PCDHGB2: variants seen among roughly 807,000 people sequenced by gnomAD.
The protein encoded by PCDHGB2 is protocadherin gamma subfamily B, 2.
Under a neutral mutation model 59.3 loss-of-function variants are expected in PCDHGB2, and 55 were observed. The ratio of observed to expected loss-of-function variants is 0.93; its 90% CI spans 0.75 to 1.16. The LOEUF is 1.16. Among genes scored for constraint, PCDHGB2 ranks in the 50% most tolerant of loss-of-function variants. The pLI, the probability that PCDHGB2 is intolerant of heterozygous loss-of-function variation, is 0.00. For missense variants in PCDHGB2, 1,228 were observed against 1,198.5 expected (o/e 1.02, Z -0.36); for synonymous variants, 516 against 512.0 (o/e 1.01, Z -0.11).
chr5:141,393,016 C>G, intron 1 of PCDHGB2: 1 of 1,613,872 alleles, frequency 6.2e-7, no homozygotes, highest in East Asian at 2.2e-5. Flanking sequence ...CGTATCGTCT[C>G]CAGAGGTAGG....
At position 141,362,048 on chromosome 5, in the gene PCDHGB2, C is replaced by T. The variant is rs764745412; in HGVS notation, c.1913C>T (p.Ala638Val). 7 of 1,610,984 alleles carry T rather than the reference C, an allele frequency of 4.3e-6. No individual in the cohort carries two copies. The African/African-American group carries it at 9.4e-5, about 22-fold the overall frequency. ...CGTGCCTTGGGCGACAGGGACGCGG[C>T]CCGCCAGCGCCTGCTGGTCGCTGTG... ...TARALGDRDA[A>V]RQRLLVAVRD... The change falls in exon 1 of 4, where the codon GCC becomes GTC. Residue 638 changes from alanine to valine, a missense_variant. Around this residue, in one of 3 missense-constraint regions of PCDHGB2, gnomAD observed 433 missense variants for 441.8 expected, o/e 0.98. Transcript: ENST00000522605.
intron 1 of PCDHGB2, chr5:141,418,660 T>C (rs1377720154): frequency 6.2e-7 from 1 of 1,614,024 alleles, no homozygotes; most frequent in Admixed American, 1.7e-5. Context: ...TGAAGGCCAC[T>C]GACCAGGACG....
In PCDHGB2 at chr5:141,450,826, A is replaced by AT. The variant is rs764729742; in HGVS notation, c.2422-43979dup. On this transcript the variant is annotated intron_variant, in intron 1 of 3. Coordinates refer to ENST00000522605, the MANE Select transcript of PCDHGB2 (RefSeq NM_018923.3). ...TATTTATTTATTTAATATTATTATT[A>AT]TTATTTTTTTTTTTTTGAGATGGGG... Among the ~76,000 whole-genome samples, 613 of 134,334 alleles carry AT rather than the reference A, an allele frequency of 4.6e-3. 5 individuals are homozygous for AT. Among genetic ancestry groups the AT allele is most frequent in the African/African-American group, 9.0e-3 (309 of 34,288 alleles). 88.1% of individuals were successfully genotyped at this position (134,334 alleles called of 152,430 possible).
Position 141,405,226 on chromosome 5 carries a change from C to A in PCDHGB2, c.2421+42670C>A, listed in dbSNP as rs756970325. ...TACAGACCTATTCTCAGGAGTTCTCCCTCACCGCTGACTCAAGGAAGAGTC... is the reference window on the plus strand; with the variant it reads ...TACAGACCTATTCTCAGGAGTTCTCACTCACCGCTGACTCAAGGAAGAGTC... On this transcript the variant is annotated intron_variant, in intron 1 of 3. Coordinates refer to ENST00000522605, the MANE Select transcript of PCDHGB2 (RefSeq NM_018923.3). 3.1e-6 allele frequency: 5 copies of A among 1,614,052 alleles called. No individual in the cohort carries two copies. The East Asian group carries it at 1.1e-4, about 36-fold the overall frequency.
chr5:141,376,025 G>C, intron 1 of PCDHGB2: 1 of 1,613,266 alleles, frequency 6.2e-7, no homozygotes, highest in Non-Finnish European at 8.5e-7. Context: ...GGCCGTCCAG[G>C]ACCACGGCCA....
chr5:141,367,687 T>G (rs1765289006), intron 1 of PCDHGB2: 1 of 152,072 alleles, frequency 6.6e-6, no homozygotes, highest in African/African-American at 2.4e-5. Flanking sequence ...AGAGAAGAAA[T>G]CAGTGTAAAG....
At chr5:141,374,266 G>A (rs763355904) in intron 1 of PCDHGB2, 5 of 1,614,016 alleles carry the variant, frequency 3.1e-6, no homozygotes, top group Middle Eastern at 1.7e-4. Context: ...AGTTGGCGGA[G>A]CACGGAGTCC....
chr5:141,510,398 G>A (rs2099880972), intron 3 of PCDHGB2, among the ~76,000 whole-genome samples: 1 of 152,064 alleles, frequency 6.6e-6, no homozygotes, highest in African/African-American at 2.4e-5. Flanking sequence ...CTTGGCAAAG[G>A]CTAGGGGCAT....
chr5:141,481,288 A>AGTC (rs2099535099), intron 1 of PCDHGB2, among the ~76,000 whole-genome samples: 1 of 152,188 alleles, frequency 6.6e-6, no homozygotes, highest in Admixed American at 6.5e-5. Flanking sequence ...ATGGTATTTC[A>AGTC]GTCATCTAAG....
chr5:141,458,512 T>TG (rs2098947554), intron 1 of PCDHGB2, among the ~76,000 whole-genome samples: 2 of 150,084 alleles, frequency 1.3e-5, no homozygotes, highest in African/African-American at 5.0e-5. Context: ...TTTGACACTT[T>TG]GTTTTTTTTT....
rs1275109387 is a variant in PCDHGB2 at position 141,431,924 on chromosome 5, A to G, written c.2422-62883A>G. The G allele has an allele frequency of 1.1e-5, 17 of 1,614,050 alleles. No homozygotes were observed. Among genetic ancestry groups the G allele is most frequent in the Non-Finnish European group, 1.4e-5 (17 of 1,179,982 alleles). On this transcript the variant is annotated intron_variant, in intron 1 of 3. Coordinates refer to ENST00000522605, the MANE Select transcript of PCDHGB2 (RefSeq NM_018923.3). The surrounding 1 kb of genome is among the most constrained non-coding windows in gnomAD (Gnocchi z 4.8). ...ACAGGTGATCTGTTTCATCCAAGGA[A>G]ATCTGCCCTTTAAATTAGAAAAATC... is the stretch of plus-strand genomic sequence containing the variant.
chr5:141,477,988 C>T lies in PCDHGB2; in HGVS notation c.2422-16819C>T, dbSNP rs771241128. The T allele has an allele frequency of 6.2e-7, 1 of 1,614,160 alleles. No individual in the cohort carries two copies. Among genetic ancestry groups the T allele is most frequent in the Non-Finnish European group, 8.5e-7 (1 of 1,180,032 alleles). On this transcript the variant is annotated intron_variant, in intron 1 of 3. Coordinates refer to ENST00000522605, the MANE Select transcript of PCDHGB2 (RefSeq NM_018923.3). This position sits in a 1 kb window ranked among gnomAD's most constrained non-coding sequence, Gnocchi z 4.9. ...AGAGCCTTTTTGCCATAGGGCTGCA[C>T]ACTGGTCAAATCAGTACTGCCCGTC...
rs553126235 is a variant in PCDHGB2 at position 141,473,346 on chromosome 5, G to A, written c.2422-21461G>A. Reference sequence around the variant, plus strand: ...AAGTGCCTGCTGTGCTAGACAGTGAGGATGCAAGTGGCCACCAAAATAGCA... The same window carrying A: ...AAGTGCCTGCTGTGCTAGACAGTGAAGATGCAAGTGGCCACCAAAATAGCA... On this transcript the variant is annotated intron_variant, in intron 1 of 3. Transcript: ENST00000522605. Among the ~76,000 whole-genome samples, 9 of 152,310 alleles carry A rather than the reference G, an allele frequency of 5.9e-5. No individual in the cohort carries two copies. The East Asian group carries it at 1.5e-3, about 26-fold the overall frequency.
intron 1 of PCDHGB2, chr5:141,422,970 C>T (rs1348343583): frequency 1.2e-6 from 2 of 1,614,246 alleles, no homozygotes; most frequent in East Asian, 2.2e-5. Flanking sequence ...TGGCGCCCCG[C>T]TCTGCGGAAC....
intron 1 of PCDHGB2, chr5:141,366,029 C>T (rs766110369): frequency 4.3e-6 from 7 of 1,614,260 alleles, no homozygotes; most frequent in Non-Finnish European, 5.9e-6. Context: ...GTACCCCGCC[C>T]TCCCCACAGA....
chr5:141,434,073 A>G (rs1372471160), intron 1 of PCDHGB2, among the ~76,000 whole-genome samples: 2 of 152,058 alleles, frequency 1.3e-5, no homozygotes, highest in African/African-American at 4.8e-5. Flanking sequence ...GTTAATATCA[A>G]TTATTTATTT....
chr5:141,403,992 T>G, intron 1 of PCDHGB2: 2 of 1,613,848 alleles, frequency 1.2e-6, no homozygotes, highest in South Asian at 2.2e-5. Flanking sequence ...AGACCTGAAG[T>G]GACCATTACA....
At chr5:141,444,774 AT>A (rs2098446962) in intron 1 of PCDHGB2, among the ~76,000 whole-genome samples, 1 of 152,018 alleles carries the variant, frequency 6.6e-6, no homozygotes, top group Non-Finnish European at 1.5e-5. Context: ...TATATTCTTG[AT>A]CATGTTTCAT....
chr5:141,362,934 A>G (rs373644254), intron 1 of PCDHGB2, among the ~76,000 whole-genome samples: 1 of 152,196 alleles, frequency 6.6e-6, no homozygotes, highest in Non-Finnish European at 1.5e-5. Context: ...GAGAGTCTTC[A>G]TTTTAGTAGG....
Sources: allele counts gnomAD v4.1 joint callset (sites outside exome capture counted in the v4.1 genomes callset), GRCh38; gene constraint gnomAD v4.1.1; regional missense constraint gnomAD v4.1.1; non-coding constraint Gnocchi (gnomAD v3.1); transcripts MANE v1.5; gene names NCBI Gene and HGNC (gene_info 2026-07-23, HGNC 2026-07-21).